The following OGDH variants were observed in gnomAD, a reference collection of about 807,000 sequenced individuals.
The protein encoded by OGDH is oxoglutarate dehydrogenase, also known as 2-oxoglutarate dehydrogenase complex component E1.
A neutral mutation model predicts 116.6 loss-of-function variants in OGDH; 38 were observed. That is an observed-to-expected ratio of 0.33 (90% CI 0.25 to 0.43). The LOEUF (loss-of-function observed/expected upper bound fraction) is 0.43, where lower values mean the gene tolerates loss of function less well. OGDH is among the 20% of genes least tolerant of loss of function. The pLI, the probability that OGDH is intolerant of heterozygous loss-of-function variation, is 1.00. For synonymous variants in OGDH, 488 were observed against 533.3 expected (o/e 0.92, Z 1.17); for missense variants, 825 against 1,357.2 (o/e 0.61, Z 6.16).
intron 8 of OGDH, 92 bp from the exon 9 acceptor site, chr7:44,675,876 TCA>T: frequency 8.8e-7 from 1 of 1,130,600 alleles, no homozygotes; most frequent in Non-Finnish European, 1.3e-6. Flanking sequence ...AAACTCCATC[TCA>T]AAAAAAAAAA....
At chr7:44,615,197 T>C (rs1156597158) in intron 1 of OGDH, among the ~76,000 whole-genome samples, 1 of 152,230 alleles carries the variant, frequency 6.6e-6, no homozygotes, top group Non-Finnish European at 1.5e-5. Context: ...CTGGGTGTTA[T>C]GTTATGGACT....
At chr7:44,692,228 T>C (rs917778820) in intron 10 of OGDH, among the ~76,000 whole-genome samples, 1 of 152,148 alleles carries the variant, frequency 6.6e-6, no homozygotes, top group African/African-American at 2.4e-5. Context: ...AGCAACATTG[T>C]GTTTACCACA....
intron 20 of OGDH, among the ~76,000 whole-genome samples, chr7:44,705,114 G>A (rs1443026199): frequency 2.3e-5 from 3 of 132,082 alleles, no homozygotes; most frequent in Admixed American, 7.6e-5. Context: ...GTGCAGTGGC[G>A]GGATCTCGGC....
At chr7:44,650,859 T>C (rs941600266) in intron 4 of OGDH, among the ~76,000 whole-genome samples, 2 of 151,970 alleles carry the variant, frequency 1.3e-5, no homozygotes, top group Non-Finnish European at 1.5e-5. Flanking sequence ...TGTGTAGTGG[T>C]GTACTGTGTC....
At chr7:44,701,289 T>C (rs1788818263) in intron 19 of OGDH, among the ~76,000 whole-genome samples, 1 of 151,206 alleles carries the variant, frequency 6.6e-6, no homozygotes, top group African/African-American at 2.4e-5. Context: ...GGGAAGGGAG[T>C]ATTGGGAGTC....
chr7:44,671,010 C>CAAAAAAAAAA (rs111818473), intron 5 of OGDH, among the ~76,000 whole-genome samples: 1 of 68,614 alleles, frequency 1.5e-5, no homozygotes, highest in Non-Finnish European at 3.6e-5. Flanking sequence ...GACTCCATCT[C>CAAAAAAAAAA]AAAAAAAAAA....
intron 1 of OGDH, among the ~76,000 whole-genome samples, chr7:44,607,110 G>C (rs76528182): frequency 0.037 from 5,644 of 152,274 alleles, 324 homozygotes; most frequent in African/African-American, 0.13. Context: ...TGTGAGGACC[G>C]CGTCGCTTTG....
intron 4 of OGDH, among the ~76,000 whole-genome samples, chr7:44,653,503 T>C (rs1786544316): frequency 6.6e-6 from 1 of 152,172 alleles, no homozygotes; most frequent in Non-Finnish European, 1.5e-5. Flanking sequence ...ACAAAAATGA[T>C]TGAGATGTAC....
intron 20 of OGDH, among the ~76,000 whole-genome samples, chr7:44,704,063 A>T (rs1252486644): frequency 2.0e-5 from 3 of 152,162 alleles, no homozygotes; most frequent in African/African-American, 7.2e-5. Flanking sequence ...AGTTCTTTTG[A>T]ATATGTACTC....
At chr7:44,669,282 G>A (rs553543425) in intron 5 of OGDH, among the ~76,000 whole-genome samples, 3 of 151,454 alleles carry the variant, frequency 2.0e-5, no homozygotes, top group Non-Finnish European at 2.9e-5. Flanking sequence ...CTCCTGAGTA[G>A]CTGGGACTAT....
intron 1 of OGDH, among the ~76,000 whole-genome samples, chr7:44,614,918 C>A (rs1378850818): frequency 6.7e-6 from 1 of 149,476 alleles, no homozygotes; most frequent in East Asian, 2.0e-4. Flanking sequence ...CTCACTGCAA[C>A]CTCCTGGGTT....
intron 1 of OGDH, among the ~76,000 whole-genome samples, chr7:44,607,030 G>T (rs1050531760): frequency 2.6e-5 from 4 of 152,220 alleles, no homozygotes; most frequent in African/African-American, 9.6e-5. Flanking sequence ...CAAGGTCGCC[G>T]CGGGCGTCAC....
Position 44,674,592 on chromosome 7 carries a change from C to A in OGDH, c.935+35C>A, listed in dbSNP as rs1167156132. On this transcript the variant is annotated intron_variant, in intron 7 of 22. Transcript: ENST00000222673. ...AGGGCGCGCCCAACCTGGTTTCTCA[C>A]CATCCCTGTGGGCTGTGTAGGAGGC... is the stretch of plus-strand genomic sequence containing the variant. 3 of 1,612,042 alleles carry A rather than the reference C, an allele frequency of 1.9e-6. No homozygotes were observed. The Admixed American group carries it at 5.0e-5, about 27-fold the overall frequency.
chr7:44,704,602 C>G (rs927468581), intron 20 of OGDH, among the ~76,000 whole-genome samples: 1 of 152,052 alleles, frequency 6.6e-6, no homozygotes, highest in Non-Finnish European at 1.5e-5. Flanking sequence ...ATATTAATTC[C>G]TTATCAGAAA....
At chr7:44,634,177 T>C (rs982300799) in intron 2 of OGDH, among the ~76,000 whole-genome samples, 12 of 152,190 alleles carry the variant, frequency 7.9e-5, no homozygotes, top group African/African-American at 2.9e-4. Flanking sequence ...GGCCCTGCCA[T>C]CCTCCAGTAG....
rs1192977343 is a variant in OGDH at position 44,645,336 on chromosome 7, A to C, written c.232A>C (p.Ile78Leu). The C allele has an allele frequency of 1.2e-6, 2 of 1,612,752 alleles. No homozygotes were observed. Among genetic ancestry groups the C allele is most frequent in the African/African-American group, 2.7e-5 (2 of 74,794 alleles). The change falls in exon 3 of 23, where the codon ATT becomes CTT. Residue 78 changes from isoleucine (I) to leucine (L), a missense_variant. Transcript: ENST00000222673. ...NPKSVHKSWD[I>L]FFRNTNAGAP... is the part of the protein sequence containing the mutation. ...CCTTCTTTGTCTTTAGTCATGGGAC[A>C]TTTTTTTTCGCAACACGAATGCCGG...
Position 44,676,062 on chromosome 7 carries a change from C to CCTTGAGG in OGDH, c.1120_1121insTTGAGGC (p.Pro374LeufsTer7). On this transcript the variant is annotated frameshift_variant, in exon 9 of 23. Transcript: ENST00000222673. LOFTEE classifies it high-confidence loss of function. Reference sequence around the variant, plus strand: ...ACATTACCTTGTCCTTGGTGGCCAACCCTTCCCACCTTGAGGCCGCTGACC... The same window carrying CCTTGAGG: ...ACATTACCTTGTCCTTGGTGGCCAACCTTGAGGCCTTCCCACCTTGAGGCCGCTGACC... The CCTTGAGG allele has an allele frequency of 1.9e-6, 3 of 1,614,062 alleles. No individual in the cohort carries two copies. The highest frequency in any genetic ancestry group is 2.5e-6 in the Non-Finnish European group (3 of 1,180,008).
rs1462521331 is a variant in OGDH at position 44,634,720 on chromosome 7, C to T, written c.222+10155C>T. ...AGGTCACCAGGCCTGGATCACAGTG[C>T]CCTACCTTGTTTTTGCTTCATAGGC... On this transcript the variant is annotated intron_variant, in intron 2 of 22. Coordinates refer to ENST00000222673, the MANE Select transcript of OGDH (RefSeq NM_002541.4). Among the ~76,000 whole-genome samples the T allele has an allele frequency of 4.6e-5, 7 of 152,264 alleles. No homozygotes were observed. In the South Asian group the frequency reaches 1.2e-3, roughly 27 times the overall value.
intron 5 of OGDH, among the ~76,000 whole-genome samples, chr7:44,671,266 T>A (rs191427226): frequency 4.0e-5 from 6 of 151,096 alleles, no homozygotes; most frequent in Admixed American, 4.0e-4. Context: ...CAAGAGAGAG[T>A]GTGGGGAGGT....
Sources: gnomAD v4.1 joint callset for allele counts (sites outside exome capture counted in the v4.1 genomes callset) on GRCh38, gnomAD v4.1.1 for gene constraint, MANE v1.5 for transcripts, NCBI Gene and HGNC (gene_info 2026-07-23, HGNC 2026-07-21) for gene names.